Variants in ADAMTSL1 observed in about 807,000 individuals in gnomAD.
ADAMTSL1 encodes the protein ADAMTS-like protein 1.
A neutral mutation model predicts 201.8 loss-of-function variants in ADAMTSL1; 126 were observed. The ratio of observed to expected loss-of-function variants is 0.62; its 90% CI spans 0.54 to 0.72. ADAMTSL1 has a LOEUF of 0.72. ADAMTSL1 is among the 30% of genes least tolerant of loss of function. The pLI is 0.00. For synonymous variants in ADAMTSL1, 1,121 were observed against 903.4 expected (o/e 1.24, Z -4.32); for missense variants, 2,679 against 2,277.8 (o/e 1.18, Z -3.59).
intron 1 of ADAMTSL1, among the ~76,000 whole-genome samples, chr9:18,030,261 A>G (rs891671862): frequency 1.1e-3 from 162 of 152,248 alleles, no homozygotes; most frequent in African/African-American, 3.6e-3. Flanking sequence ...CATGGATGAA[A>G]CTGGAAACCA....
chr9:18,210,122 A>G (rs537752406), intron 2 of ADAMTSL1, among the ~76,000 whole-genome samples: 228 of 152,114 alleles, frequency 1.5e-3, no homozygotes, highest in African/African-American at 5.2e-3. Flanking sequence ...TTCTCTTAAC[A>G]TAATCACAAC....
intron 1 of ADAMTSL1, among the ~76,000 whole-genome samples, chr9:17,962,644 A>T (rs375997135): frequency 5.8e-4 from 88 of 152,318 alleles, no homozygotes; most frequent in African/African-American, 1.9e-3. Flanking sequence ...CAAGTTCTAG[A>T]TCTGTTTATA....
intron 6 of ADAMTSL1, 82 bp downstream of exon 6, chr9:18,636,099 A>G (rs1191168215): frequency 1.7e-5 from 19 of 1,133,698 alleles, no homozygotes; most frequent in Non-Finnish European, 2.2e-5. Flanking sequence ...AAAGATTAAA[A>G]CACAAGAATA....
intron 2 of ADAMTSL1, among the ~76,000 whole-genome samples, chr9:18,446,231 A>G (rs1384704738): frequency 3.9e-5 from 6 of 152,208 alleles, no homozygotes; most frequent in Non-Finnish European, 8.8e-5. Flanking sequence ...AACTCTATAT[A>G]TGGGCTTAAG....
intron 15 of ADAMTSL1, among the ~76,000 whole-genome samples, chr9:18,737,984 T>A (rs925036810): frequency 5.3e-5 from 8 of 152,200 alleles, no homozygotes; most frequent in African/African-American, 1.7e-4. Flanking sequence ...TGCTTATCTA[T>A]AAGATAAAGA....
chr9:18,169,441 T>G (rs1289096710), intron 2 of ADAMTSL1, among the ~76,000 whole-genome samples: 1 of 152,122 alleles, frequency 6.6e-6, no homozygotes, highest in Admixed American at 6.5e-5. Flanking sequence ...GTTGTAGATA[T>G]GTGGCATTAT....
chr9:18,508,473 A>T (rs1422629366), intron 2 of ADAMTSL1, among the ~76,000 whole-genome samples: 1 of 152,166 alleles, frequency 6.6e-6, no homozygotes, highest in African/African-American at 2.4e-5. Flanking sequence ...TCTGCTCAGG[A>T]TCCTCCATGG....
intron 1 of ADAMTSL1, among the ~76,000 whole-genome samples, chr9:18,088,582 T>G (rs1217021788): frequency 6.6e-6 from 1 of 152,158 alleles, no homozygotes; most frequent in African/African-American, 2.4e-5. Context: ...GATTAGAAAT[T>G]TCTTCAAAGA....
chr9:18,088,238 A>G (rs912380745), intron 1 of ADAMTSL1, among the ~76,000 whole-genome samples: 1 of 152,220 alleles, frequency 6.6e-6, no homozygotes, highest in Admixed American at 6.5e-5. Context: ...CATATACAAA[A>G]ATCAACTTTA....
intron 13 of ADAMTSL1, among the ~76,000 whole-genome samples, chr9:18,705,772 A>G (rs1587940815): frequency 6.6e-6 from 1 of 152,238 alleles, no homozygotes; most frequent in East Asian, 1.9e-4. Flanking sequence ...TGAACAAAGA[A>G]AGTTACAGAA....
At chr9:18,047,636 A>C (rs1821728129) in intron 1 of ADAMTSL1, among the ~76,000 whole-genome samples, 1 of 152,154 alleles carries the variant, frequency 6.6e-6, no homozygotes, top group African/African-American at 2.4e-5. Flanking sequence ...GGGTGATGAC[A>C]CTGGTTCTGC....
At chr9:18,254,326 A>G (rs1364137544) in intron 2 of ADAMTSL1, among the ~76,000 whole-genome samples, 2 of 128,362 alleles carry the variant, frequency 1.6e-5, no homozygotes, top group African/African-American at 6.0e-5. Context: ...CTATGGAACT[A>G]CCGTCAATAC....
At chr9:18,342,246 G>T (rs1835494949) in intron 2 of ADAMTSL1, among the ~76,000 whole-genome samples, 1 of 152,090 alleles carries the variant, frequency 6.6e-6, no homozygotes, top group Non-Finnish European at 1.5e-5. Flanking sequence ...GGAAAAATAG[G>T]CTTTTTCTTT....
chr9:18,004,170 G>A (rs1034592081), intron 1 of ADAMTSL1, among the ~76,000 whole-genome samples: 1 of 151,940 alleles, frequency 6.6e-6, no homozygotes, highest in Admixed American at 6.6e-5. Context: ...GCAATAAAAG[G>A]GTTTCATATG....
chr9:18,603,403 ATG>A (rs1824797423), intron 4 of ADAMTSL1, among the ~76,000 whole-genome samples: 1 of 146,770 alleles, frequency 6.8e-6, no homozygotes, highest in Non-Finnish European at 1.5e-5. Flanking sequence ...ATGCTATGCT[ATG>A]CTATGCTATG....
intron 1 of ADAMTSL1, among the ~76,000 whole-genome samples, chr9:18,017,949 C>T (rs912232185): frequency 6.6e-6 from 1 of 152,014 alleles, no homozygotes; most frequent in African/African-American, 2.4e-5. Flanking sequence ...ATACCATTAT[C>T]TTTGTTGTTC....
chr9:18,177,191 C>A (rs1412861359), intron 2 of ADAMTSL1, among the ~76,000 whole-genome samples: 1 of 152,146 alleles, frequency 6.6e-6, no homozygotes, highest in Non-Finnish European at 1.5e-5. Flanking sequence ...GACTGTTCAT[C>A]TTTATGTATT....
chr9:18,124,434 G>C (rs989638954), intron 1 of ADAMTSL1, among the ~76,000 whole-genome samples: 1 of 151,966 alleles, frequency 6.6e-6, no homozygotes, highest in African/African-American at 2.4e-5. Flanking sequence ...CCAAATTCTT[G>C]TCATTTTATT....
intron 1 of ADAMTSL1, among the ~76,000 whole-genome samples, chr9:18,090,898 A>G (rs1348285616): frequency 6.6e-6 from 1 of 151,980 alleles, no homozygotes; most frequent in Non-Finnish European, 1.5e-5. Flanking sequence ...CTTGTTCCTC[A>G]TAACCACATG....
Sources: gnomAD v4.1 joint callset for allele counts (sites outside exome capture counted in the v4.1 genomes callset) on GRCh38, gnomAD v4.1.1 for gene constraint, MANE v1.5 for transcripts, NCBI Gene and HGNC (gene_info 2026-07-23, HGNC 2026-07-21) for gene names.